The following CDH8 variants were observed in gnomAD, a reference collection of about 807,000 sequenced individuals.
The protein encoded by CDH8 is cadherin 8.
A neutral mutation model predicts 68.1 loss-of-function variants in CDH8; 17 were observed. That is an observed-to-expected ratio of 0.25 (90% CI 0.17 to 0.37). CDH8 has a LOEUF of 0.37. CDH8 is among the 10% of genes least tolerant of loss of function. The probability of loss-of-function intolerance (pLI) is 1.00; values close to 1 mark genes in which losing one functional copy is unlikely to be tolerated. For synonymous variants in CDH8, 372 were observed against 365.1 expected (o/e 1.02, Z -0.21); for missense variants, 763 against 999.3 (o/e 0.76, Z 3.19).
intron 10 of CDH8, chr16:61,667,405 A>G (rs1963701732): frequency 6.6e-6 from 1 of 152,056 alleles, no homozygotes; most frequent in Non-Finnish European, 1.5e-5. Flanking sequence ...CACAAAATGA[A>G]TTAGAACATT....
chr16:62,004,959 A>G (rs767716393), intron 2 of CDH8, among the ~76,000 whole-genome samples: 3 of 152,308 alleles, frequency 2.0e-5, no homozygotes, highest in Non-Finnish European at 4.4e-5. Context: ...GAAGGAGAGG[A>G]TTTTGTATTT....
chr16:61,896,767 ATAAAAATAATTT>A (rs1357421713), intron 3 of CDH8, among the ~76,000 whole-genome samples: 4 of 152,202 alleles, frequency 2.6e-5, no homozygotes, highest in African/African-American at 9.6e-5. Flanking sequence ...AAACAGATTA[ATAAAAATAATTT>A]TAAAGCCATA....
chr16:61,724,405 G>A (rs1377584939), intron 9 of CDH8, among the ~76,000 whole-genome samples: 2 of 150,716 alleles, frequency 1.3e-5, no homozygotes, highest in Admixed American at 6.7e-5. Context: ...CTATGCTCAT[G>A]TTGATACTCG....
chr16:61,836,563 C>A (rs1010926174), intron 4 of CDH8, among the ~76,000 whole-genome samples: 1 of 151,898 alleles, frequency 6.6e-6, no homozygotes. Flanking sequence ...AAGACAGAGA[C>A]AATAATTGCT....
chr16:61,976,564 C>T (rs1235535233), intron 2 of CDH8, among the ~76,000 whole-genome samples: 2 of 152,118 alleles, frequency 1.3e-5, no homozygotes, highest in Non-Finnish European at 2.9e-5. Context: ...GCTCTCTATG[C>T]TAGTTTTTAA....
At chr16:61,857,859 A>C (rs997893282) in intron 3 of CDH8, among the ~76,000 whole-genome samples, 1 of 152,110 alleles carries the variant, frequency 6.6e-6, no homozygotes, top group Non-Finnish European at 1.5e-5. Context: ...TATGGAGTAT[A>C]TATATAAAAA....
chr16:61,849,611 T>A lies in CDH8; in HGVS notation c.667+7508A>T, dbSNP rs1417959259. Among the ~76,000 whole-genome samples, 6 of 152,170 alleles carry A rather than the reference T, an allele frequency of 3.9e-5. No individual in the cohort carries two copies. The East Asian group carries it at 1.2e-3, about 29-fold the overall frequency. ...CAGCTGTGGGATTGGTAGAGCTACC[T>A]CATCCTTTAATCAGCACTTGGCATG... On this transcript the variant is annotated intron_variant, in intron 4 of 11. Transcript: ENST00000577390.
chr16:61,736,112 AAAGGAAGGAAGG>A (rs763954666), intron 8 of CDH8, among the ~76,000 whole-genome samples: 63 of 116,504 alleles, frequency 5.4e-4, no homozygotes, highest in East Asian at 7.8e-4. Flanking sequence ...AGAAAGAAAG[AAAGGAAGGAAGG>A]AAGGAAGGAA....
At chr16:61,942,397 T>C (rs150099789) in intron 2 of CDH8, among the ~76,000 whole-genome samples, 2 of 152,296 alleles carry the variant, frequency 1.3e-5, no homozygotes, top group African/African-American at 4.8e-5. Flanking sequence ...CTCAGAAGGC[T>C]GAGATGGGAG....
intron 8 of CDH8, among the ~76,000 whole-genome samples, chr16:61,730,987 C>T (rs1334063815): frequency 6.6e-6 from 1 of 151,508 alleles, no homozygotes; most frequent in Non-Finnish European, 1.5e-5. Flanking sequence ...GGAAAAAGTC[C>T]TAAGGGATAC....
intron 8 of CDH8, among the ~76,000 whole-genome samples, chr16:61,788,919 C>G (rs1961310410): frequency 6.6e-6 from 1 of 151,906 alleles, no homozygotes. Flanking sequence ...AAGCTTCCAT[C>G]TATATTTTCC....
intron 10 of CDH8, among the ~76,000 whole-genome samples, chr16:61,670,341 G>T (rs959166572): frequency 6.6e-6 from 1 of 152,014 alleles, no homozygotes; most frequent in African/African-American, 2.4e-5. Context: ...AGATATAATG[G>T]TGCTGTATTT....
At chr16:61,812,478 C>A (rs1243640680) in intron 7 of CDH8, among the ~76,000 whole-genome samples, 1 of 152,040 alleles carries the variant, frequency 6.6e-6, no homozygotes, top group African/African-American at 2.4e-5. Context: ...CAGTCTTATT[C>A]AAGGTGAATG....
chr16:61,719,625 T>G (rs1567439048), intron 9 of CDH8, among the ~76,000 whole-genome samples: 1 of 151,088 alleles, frequency 6.6e-6, no homozygotes, highest in African/African-American at 2.4e-5. Context: ...CCACATAGCT[T>G]AGAAGAATCA....
At chr16:61,981,693 CGT>C (rs575029388) in intron 2 of CDH8, among the ~76,000 whole-genome samples, 3 of 151,226 alleles carry the variant, frequency 2.0e-5, no homozygotes, top group African/African-American at 7.3e-5. Context: ...CGCGCGCGCG[CGT>C]GCGCTTGGGG....
chr16:62,007,726 T>C (rs929794749), intron 2 of CDH8, among the ~76,000 whole-genome samples: 2 of 152,080 alleles, frequency 1.3e-5, no homozygotes, highest in African/African-American at 4.8e-5. Flanking sequence ...CCTGAATCCA[T>C]TCCATATGGC....
chr16:62,029,744 G>T (rs112836616), intron 1 of CDH8, among the ~76,000 whole-genome samples: 127 of 152,268 alleles, frequency 8.3e-4, no homozygotes, highest in African/African-American at 2.9e-3. Flanking sequence ...TGTGAGGACA[G>T]CACAAGTGGA....
intron 2 of CDH8, among the ~76,000 whole-genome samples, chr16:61,964,378 C>A (rs1965211104): frequency 2.0e-5 from 3 of 152,180 alleles, no homozygotes; most frequent in African/African-American, 7.2e-5. Context: ...GACACACTCT[C>A]ACACACATCC....
chr16:61,893,037 A>C (rs370016932), intron 3 of CDH8, among the ~76,000 whole-genome samples: 15 of 152,072 alleles, frequency 9.9e-5, no homozygotes, highest in African/African-American at 3.4e-4. Context: ...CAACAACAGG[A>C]GTTTATTCTC....
Sources: allele counts gnomAD v4.1 joint callset (sites outside exome capture counted in the v4.1 genomes callset), GRCh38; gene constraint gnomAD v4.1.1; transcripts MANE v1.5; gene names NCBI Gene and HGNC (gene_info 2026-07-23, HGNC 2026-07-21).